DCLK2: variants seen among roughly 807,000 people sequenced by gnomAD.
The protein encoded by DCLK2 is serine/threonine-protein kinase DCLK2.
In DCLK2, 31 loss-of-function variants were observed where a neutral mutation model predicts 78.4. The ratio of observed to expected loss-of-function variants is 0.40; its 90% CI spans 0.30 to 0.53. The LOEUF (loss-of-function observed/expected upper bound fraction) is 0.53, where lower values mean the gene tolerates loss of function less well. DCLK2 is among the 20% of genes least tolerant of loss of function. The pLI is 0.61. For missense variants in DCLK2, 872 were observed against 973.7 expected, an observed-to-expected ratio of 0.90 and a Z score of 1.39; for synonymous variants, 407 against 374.9, an observed-to-expected ratio of 1.09 and a Z score of -0.99.
intron 10 of DCLK2, among the ~76,000 whole-genome samples, chr4:150,238,664 A>T (rs546792189): frequency 6.6e-6 from 1 of 152,032 alleles, no homozygotes; most frequent in Admixed American, 6.6e-5. Flanking sequence ...CTGATTACCC[A>T]CAAGGAAGGA....
chr4:150,180,624 T>C (rs184391015), intron 2 of DCLK2, among the ~76,000 whole-genome samples: 24 of 152,188 alleles, frequency 1.6e-4, no homozygotes, highest in Non-Finnish European at 2.6e-4. Flanking sequence ...AAAACTTTGC[T>C]CTATTGGGGC....
At chr4:150,172,370 G>A (rs566707380) in intron 2 of DCLK2, among the ~76,000 whole-genome samples, 6 of 152,092 alleles carry the variant, frequency 3.9e-5, no homozygotes, top group East Asian at 1.9e-4. Flanking sequence ...TTGGGAGGCC[G>A]AGGCGGGTGG....
Position 150,232,819 on chromosome 4 carries a change from G to C in DCLK2, c.1557G>C (p.Glu519Asp). The change falls in exon 10 of 16, where the codon GAG becomes GAC. Residue 519 changes from glutamate (E) to aspartate (D), a missense_variant. By Grantham distance (45) the Glu-to-Asp change is conservative. This residue lies in a region of DCLK2 where 86 missense variants were observed against 150.3 expected (regional missense o/e 0.57). Coordinates refer to ENST00000296550, the MANE Select transcript of DCLK2 (RefSeq NM_001040260.4). ...LSIVHRDIKP[E>D]NLLVCEYPDG... ...TCGTGCACAGAGACATCAAACCAGAGAATCTCTTGGTATGTCATCCCTGCT... is the reference window on the plus strand; with the variant it reads ...TCGTGCACAGAGACATCAAACCAGACAATCTCTTGGTATGTCATCCCTGCT... The C allele has an allele frequency of 6.2e-7, 1 of 1,612,020 alleles. No homozygotes were observed. Among genetic ancestry groups the C allele is most frequent in the South Asian group, 1.1e-5 (1 of 90,546 alleles).
chr4:150,079,458 GA>G lies in DCLK2; in HGVS notation c.421+11del. ...GACGAGCTGCTGGAAGGTAGGAGGGGAGGGCGCCGCACGGCAGGTGCGGCGG... is the reference window on the plus strand; with the variant it reads ...GACGAGCTGCTGGAAGGTAGGAGGGGGGGCGCCGCACGGCAGGTGCGGCGG... On this transcript the variant is annotated intron_variant, in intron 1 of 15. Transcript: ENST00000296550. The G allele has an allele frequency of 3.4e-6, 5 of 1,480,628 alleles. No individual in the cohort carries two copies. Among genetic ancestry groups the G allele is most frequent in the Non-Finnish European group, 4.5e-6 (5 of 1,113,620 alleles). 91.7% of individuals were successfully genotyped at this position (1,480,628 alleles called of 1,614,324 possible). A position where few individuals can be genotyped will look rare whatever the true frequency, so the allele number is the denominator to read the frequency against.
At position 150,249,581 on chromosome 4, in the gene DCLK2, A is replaced by G. The variant is rs766838350; in HGVS notation, c.1970A>G (p.Gln657Arg). ...TCTTTCCTGTAGGATGATGCCTCCC[A>G]GGAGAATAACATGCAAGCTGAGGTG... ...SHPWVSDDAS[Q>R]ENNMQAEVTG... Residue 657 changes from glutamine to arginine, a missense_variant, in exon 15 of 16, where the codon CAG becomes CGG. Coordinates refer to ENST00000296550, the MANE Select transcript of DCLK2 (RefSeq NM_001040260.4). 7 of 1,613,592 alleles carry G rather than the reference A, an allele frequency of 4.3e-6. No homozygotes were observed. In the Admixed American group the frequency reaches 6.7e-5, roughly 15 times the overall value.
intron 8 of DCLK2, among the ~76,000 whole-genome samples, chr4:150,227,526 G>T (rs777234762): frequency 2.0e-5 from 3 of 152,112 alleles, no homozygotes; most frequent in Non-Finnish European, 4.4e-5. Flanking sequence ...ATCAAAGAGC[G>T]GTCTACCAGG....
At chr4:150,185,480 A>G (rs1272682756) in intron 2 of DCLK2, among the ~76,000 whole-genome samples, 3 of 151,718 alleles carry the variant, frequency 2.0e-5, no homozygotes, top group Non-Finnish European at 4.4e-5. Flanking sequence ...ATGGGAGGCC[A>G]ATGCGGGCGG....
chr4:150,092,905 A>C (rs1166712719), intron 1 of DCLK2, among the ~76,000 whole-genome samples: 1 of 152,172 alleles, frequency 6.6e-6, no homozygotes, highest in Non-Finnish European at 1.5e-5. Context: ...CACTCTTGCC[A>C]CTTCATTCAA....
Position 150,079,401 on chromosome 4 carries a change from C to G in DCLK2, c.374C>G (p.Thr125Ser), listed in dbSNP as rs779486736. 7 of 1,564,830 alleles carry G rather than the reference C, an allele frequency of 4.5e-6. No homozygotes were observed. The highest frequency in any genetic ancestry group is 2.4e-5 in the East Asian group (1 of 42,368). ...CCCCAGGGTGTCCGCACTATCTACACCATCGACGGCAGCCGGAAGGTCACC... is the reference window on the plus strand; with the variant it reads ...CCCCAGGGTGTCCGCACTATCTACAGCATCGACGGCAGCCGGAAGGTCACC... ...NLPQGVRTIY[T>S]IDGSRKVTSL... Residue 125 changes from threonine (T) to serine (S), a missense_variant, in exon 1 of 16, where the codon ACC becomes AGC. Transcript: ENST00000296550.
intron 5 of DCLK2, among the ~76,000 whole-genome samples, chr4:150,217,524 T>C (rs1335605978): frequency 6.6e-6 from 1 of 152,218 alleles, no homozygotes; most frequent in Non-Finnish European, 1.5e-5. Context: ...CGTCAGCACC[T>C]ATCCTGAAAT....
chr4:150,122,494 A>G (rs1457042647), intron 2 of DCLK2, among the ~76,000 whole-genome samples: 2 of 152,182 alleles, frequency 1.3e-5, no homozygotes, highest in Non-Finnish European at 2.9e-5. Flanking sequence ...TCAGCAAACT[A>G]ACACAGGAAG....
intron 1 of DCLK2, among the ~76,000 whole-genome samples, chr4:150,087,714 C>G (rs1729743532): frequency 6.7e-6 from 1 of 150,178 alleles, no homozygotes; most frequent in African/African-American, 2.5e-5. Context: ...TTCTTGGCCT[C>G]TGTGAGCAAC....
At chr4:150,156,595 C>T (rs186860407) in intron 2 of DCLK2, among the ~76,000 whole-genome samples, 4 of 151,898 alleles carry the variant, frequency 2.6e-5, no homozygotes, top group East Asian at 1.9e-4. Context: ...AGTTAAGCCC[C>T]GAGGTTGAGG....
intron 4 of DCLK2, among the ~76,000 whole-genome samples, chr4:150,202,151 A>G (rs1739501809): frequency 6.6e-6 from 1 of 152,210 alleles, no homozygotes; most frequent in Non-Finnish European, 1.5e-5. Context: ...ATTCACCATT[A>G]CAGTATTGTA....
At chr4:150,191,864 G>C (rs1280295883) in intron 2 of DCLK2, among the ~76,000 whole-genome samples, 1 of 152,114 alleles carries the variant, frequency 6.6e-6, no homozygotes, top group Non-Finnish European at 1.5e-5. Flanking sequence ...TCTGTAGTGA[G>C]ACCTCTTTTT....
chr4:150,247,630 C>G lies in DCLK2; in HGVS notation c.1806C>G (p.Phe602Leu). The G allele has an allele frequency of 6.2e-7, 1 of 1,614,082 alleles. No individual in the cohort carries two copies. The highest frequency in any genetic ancestry group is 8.5e-7 in the Non-Finnish European group (1 of 1,179,988). The change falls in exon 13 of 16, where the codon TTC becomes TTG. Residue 602 changes from phenylalanine to leucine, a missense_variant. Coordinates refer to ENST00000296550, the MANE Select transcript of DCLK2 (RefSeq NM_001040260.4). Reference sequence around the variant, plus strand: ...AGAACAATCTCCAGGAAGATCTCTTCGACCAGATCTTGGCTGGGAAGCTGG... The same window carrying G: ...AGAACAATCTCCAGGAAGATCTCTTGGACCAGATCTTGGCTGGGAAGCTGG... ...RSENNLQEDL[F>L]DQILAGKLEF...
intron 2 of DCLK2, among the ~76,000 whole-genome samples, chr4:150,159,626 G>A (rs1735561049): frequency 6.6e-6 from 1 of 152,258 alleles, no homozygotes; most frequent in Admixed American, 6.5e-5. Flanking sequence ...GGGCTTTCAT[G>A]ATGTGCAGTA....
intron 2 of DCLK2, among the ~76,000 whole-genome samples, chr4:150,137,651 T>G (rs1256735886): frequency 1.3e-5 from 2 of 152,062 alleles, no homozygotes; most frequent in Non-Finnish European, 2.9e-5. Flanking sequence ...ACCAGGAACT[T>G]CCCAATAGAA....
chr4:150,257,417 A>AACTTT lies in DCLK2; in HGVS notation c.*1171_*1175dup, dbSNP rs1375254367. 1 of 152,520 alleles carries AACTTT rather than the reference A, an allele frequency of 6.6e-6. No individual in the cohort carries two copies. The highest frequency in any genetic ancestry group is 2.4e-5 in the African/African-American group (1 of 41,384). The allele number at this position is 152,520 out of a possible 1,614,324, so 9.4% of individuals were successfully genotyped here. A position where few individuals can be genotyped will look rare whatever the true frequency, so the allele number is the denominator to read the frequency against. On this transcript the variant is annotated 3_prime_UTR_variant, in exon 16 of 16. Transcript: ENST00000296550. ...TTACAAGTGTCCCCAACCTGCAATA[A>AACTTT]ACTTTTCCCTCTTGAAAAAAAGTAA... is the stretch of plus-strand genomic sequence containing the variant.
Sources: allele counts gnomAD v4.1 joint callset (sites outside exome capture counted in the v4.1 genomes callset), GRCh38; gene constraint gnomAD v4.1.1; regional missense constraint gnomAD v4.1.1; transcripts MANE v1.5; gene names NCBI Gene and HGNC (gene_info 2026-07-23, HGNC 2026-07-21).